SLCO1A2: variants seen among roughly 807,000 people sequenced by gnomAD.
SLCO1A2 encodes the protein OATP-1.
In SLCO1A2, 67 loss-of-function variants were observed where a neutral mutation model predicts 69.0. That is an observed-to-expected ratio of 0.97 (90% CI 0.80 to 1.19). SLCO1A2 has a LOEUF of 1.19. SLCO1A2 is among the 50% of genes most tolerant of loss of function. The probability of loss-of-function intolerance (pLI) is 0.00; values close to 1 mark genes in which losing one functional copy is unlikely to be tolerated. For synonymous variants in SLCO1A2, 260 were observed against 265.9 expected, an observed-to-expected ratio of 0.98 and a Z score of 0.22; for missense variants, 787 against 793.7, an observed-to-expected ratio of 0.99 and a Z score of 0.10.
chr12:21,361,249 C>A lies in SLCO1A2; in HGVS notation c.-63+13150G>T, dbSNP rs1036847108. ...TGCAATATTAGCTGTTCTTCAGCCT[C>A]CGCTGGTGATACCCAGGCAAACAGG... On this transcript the variant is annotated intron_variant, in intron 2 of 15. Coordinates refer to the SLCO1A2 transcript ENST00000307378. Among the ~76,000 whole-genome samples, 12 of 152,310 alleles carry A rather than the reference C, an allele frequency of 7.9e-5. No individual in the cohort carries two copies. In the East Asian group the frequency reaches 2.3e-3, roughly 29 times the overall value.
At chr12:21,351,217 A>C (rs1257367242) in intron 2 of SLCO1A2, among the ~76,000 whole-genome samples, 1 of 152,190 alleles carries the variant, frequency 6.6e-6, no homozygotes, top group Non-Finnish European at 1.5e-5. Context: ...GACATGGCAA[A>C]ATGTGTTTTG....
At chr12:21,359,588 G>A (rs1938651649) in intron 2 of SLCO1A2, among the ~76,000 whole-genome samples, 1 of 151,986 alleles carries the variant, frequency 6.6e-6, no homozygotes, top group Non-Finnish European at 1.5e-5. Context: ...AAATGTCAAT[G>A]GACTTCTAAT....
At chr12:21,293,922 T>G (rs201642118) in intron 11 of SLCO1A2, 23 bp downstream of exon 11, 1 of 1,581,640 alleles carries the variant, frequency 6.3e-7, no homozygotes, top group African/African-American at 1.4e-5. Flanking sequence ...CTCAAAAAAG[T>G]TCTGTCAAAT....
chr12:21,372,674 C>T (rs1015378022), intron 2 of SLCO1A2, among the ~76,000 whole-genome samples: 1 of 152,230 alleles, frequency 6.6e-6, no homozygotes, highest in Non-Finnish European at 1.5e-5. Context: ...CAAATTCAAA[C>T]TTCTGCTGTG....
chr12:21,358,953 C>T (rs1938593704), intron 2 of SLCO1A2, among the ~76,000 whole-genome samples: 1 of 152,056 alleles, frequency 6.6e-6, no homozygotes. Flanking sequence ...TGAAGATATT[C>T]ACATATATTT....
chr12:21,329,273 G>T (rs1952452945), intron 2 of SLCO1A2, among the ~76,000 whole-genome samples: 1 of 152,166 alleles, frequency 6.6e-6, no homozygotes, highest in Admixed American at 6.5e-5. Context: ...ATAGTTACTT[G>T]GTTTTGCCCT....
At chr12:21,340,011 T>G (rs1026349089) in intron 2 of SLCO1A2, among the ~76,000 whole-genome samples, 7 of 151,980 alleles carry the variant, frequency 4.6e-5, no homozygotes, top group African/African-American at 1.7e-4. Context: ...CAACATTGAA[T>G]GAAGGGTCGC....
chr12:21,280,864 C>G (rs1944670032), intron 12 of SLCO1A2, among the ~76,000 whole-genome samples: 1 of 151,728 alleles, frequency 6.6e-6, no homozygotes, highest in African/African-American at 2.4e-5. Context: ...CTTAAAACAT[C>G]CAAAAAAAAT....
intron 8 of SLCO1A2, 86 bp from the exon 9 acceptor site, chr12:21,297,654 C>G: frequency 2.4e-6 from 2 of 846,954 alleles, no homozygotes; most frequent in Non-Finnish European, 3.5e-6. Context: ...ACCTCCTCAA[C>G]AAATTATGTT....
rs910850550 is a variant in SLCO1A2, at chr12:21,333,827, A to G, written c.60+761T>C. Among the ~76,000 whole-genome samples the G allele has an allele frequency of 3.9e-5, 6 of 152,164 alleles. No homozygotes were observed. The East Asian group carries it at 1.2e-3, about 29-fold the overall frequency. Reference sequence around the variant, plus strand: ...AAAAGTTTTTCTTAATTAACATACCATTTCAGGCAAGTCTATTTTTTTTAG... The same window carrying G: ...AAAAGTTTTTCTTAATTAACATACCGTTTCAGGCAAGTCTATTTTTTTTAG... On this transcript the variant is annotated intron_variant, in intron 2 of 14. Transcript: ENST00000683939.
At position 21,269,650 on chromosome 12, in the gene SLCO1A2, T is replaced by C; in HGVS notation, c.1911A>G (p.Thr637=). 1 of 1,612,814 alleles carries C rather than the reference T, an allele frequency of 6.2e-7. No homozygotes were observed. The highest frequency in any genetic ancestry group is 1.7e-5 in the Admixed American group (1 of 59,900). Residue 637 remains threonine, a synonymous_variant, in exon 15 of 15, where the codon ACA becomes ACG. Coordinates refer to ENST00000683939, the MANE Select transcript of SLCO1A2 (RefSeq NM_001386879.1). ...HLPGENASSG[T]ELIETKVKGK... is the part of the protein sequence containing the mutation. The stretch of plus-strand genomic sequence containing the variant: ...CTTTGACTTTTGTCTCTATAAGCTC[T>C]GTTCCTGAAGAGGCATTTTCACCAG...
intron 1 of SLCO1A2, among the ~76,000 whole-genome samples, chr12:21,393,084 T>A (rs190444738): frequency 2.6e-5 from 4 of 152,306 alleles, no homozygotes; most frequent in Admixed American, 1.3e-4. Context: ...TTTCTCTAAG[T>A]CTCTTGTTTA....
At chr12:21,275,158 G>A in intron 13 of SLCO1A2, 1 of 839,348 alleles carries the variant, frequency 1.2e-6, no homozygotes, top group Non-Finnish European at 1.6e-6. Flanking sequence ...TGTGGGGTGG[G>A]GGAAGGGGGG....
At chr12:21,305,200 G>A (rs1429512490) in intron 5 of SLCO1A2, among the ~76,000 whole-genome samples, 7 of 152,192 alleles carry the variant, frequency 4.6e-5, no homozygotes, top group East Asian at 1.9e-4. Context: ...CCTTGGAGCC[G>A]CAGCTGCTTA....
chr12:21,306,410 C>T (rs1384943148), intron 5 of SLCO1A2, among the ~76,000 whole-genome samples: 1 of 152,056 alleles, frequency 6.6e-6, no homozygotes, highest in Non-Finnish European at 1.5e-5. Context: ...ACTGCAACCT[C>T]TGCCACCTGG....
intron 14 of SLCO1A2, among the ~76,000 whole-genome samples, chr12:21,273,193 A>C (rs1275664559): frequency 1.3e-5 from 2 of 152,088 alleles, no homozygotes; most frequent in African/African-American, 4.8e-5. Flanking sequence ...GGAAATCCCA[A>C]TCTTTCTTTT....
chr12:21,265,571 T>C lies in SLCO1A2; in HGVS notation c.*3977A>G, dbSNP rs1274887577. 1.3e-5 allele frequency: 2 copies of C among 152,214 alleles called. No homozygotes were observed. The highest frequency in any genetic ancestry group is 2.4e-5 in the African/African-American group (1 of 41,456). 9.4% of individuals were successfully genotyped at this position (152,214 alleles called of 1,614,324 possible). A position where few individuals can be genotyped will look rare whatever the true frequency, so the allele number is the denominator to read the frequency against. ...AGAAACTTTTAAACACTGGTGTAGT[T>C]TCTCCATGTTGGGAAGGCTTAGGGG... On this transcript the variant is annotated 3_prime_UTR_variant, in exon 15 of 15. Transcript: ENST00000683939.
chr12:21,409,213 T>C (rs1440465647), intron 1 of SLCO1A2, among the ~76,000 whole-genome samples: 1 of 152,204 alleles, frequency 6.6e-6, no homozygotes. Flanking sequence ...ATGAAGCAAC[T>C]GTTGTGGTAT....
At chr12:21,319,617 C>A in intron 2 of SLCO1A2, 1 of 466,160 alleles carries the variant, frequency 2.1e-6, no homozygotes. Flanking sequence ...AAATGAGACT[C>A]CATTTATTTT....
Sources: allele counts gnomAD v4.1 joint callset (sites outside exome capture counted in the v4.1 genomes callset), GRCh38; gene constraint gnomAD v4.1.1; transcripts MANE v1.5; gene names NCBI Gene and HGNC (gene_info 2026-07-23, HGNC 2026-07-21).